OR52N4: variants seen among roughly 807,000 people sequenced by gnomAD.
OR52N4 encodes olfactory receptor 52N4.
A neutral mutation model predicts 15.0 loss-of-function variants in OR52N4; 15 were observed. The ratio of observed to expected loss-of-function variants is 1.00; its 90% confidence interval spans 0.67 to 1.54. The LOEUF is 1.54. Among genes scored for constraint, OR52N4 ranks in the 40% most tolerant of loss-of-function variants. The probability of loss-of-function intolerance (pLI) is 0.00; values close to 1 mark genes in which losing one functional copy is unlikely to be tolerated. For missense variants in OR52N4, 421 were observed against 394.0 expected (o/e 1.07, Z -0.58); for synonymous variants, 143 against 143.7 (o/e 1.00, Z 0.03).
At chr11:5,737,490 A>C in the OR52N4 span, 1 of 1,605,620 alleles carries the variant, frequency 6.2e-7, no homozygotes, top group African/African-American at 1.3e-5. Context: ...ATAAGATCTT[A>C]GAGACCTTCT....
Position 5,755,773 on chromosome 11 carries a change from T to A in OR52N4, c.*67T>A. On this transcript the variant is annotated 3_prime_UTR_variant, in exon 2 of 2. Transcript: ENST00000641350. ...TTCTATTTGCCTCTTATGCAGGAGTTCATAAAATCTTTCTGGAAGCACTGT... is the reference window on the plus strand; with the variant it reads ...TTCTATTTGCCTCTTATGCAGGAGTACATAAAATCTTTCTGGAAGCACTGT... 1 of 1,537,016 alleles carries A rather than the reference T, an allele frequency of 6.5e-7. No homozygotes were observed. Among genetic ancestry groups the A allele is most frequent in the Admixed American group, 2.0e-5 (1 of 50,230 alleles).
chr11:5,729,352 C>T, the OR52N4 span, among the ~76,000 whole-genome samples: 1 of 151,920 alleles, frequency 6.6e-6, no homozygotes, highest in East Asian at 1.9e-4. Context: ...GATCTCCTGA[C>T]CTTGTGATCC....
the OR52N4 span, among the ~76,000 whole-genome samples, chr11:5,743,531 C>G: frequency 6.6e-6 from 1 of 152,134 alleles, no homozygotes; most frequent in Non-Finnish European, 1.5e-5. Flanking sequence ...TAATATCAAG[C>G]ATATTCTTAC....
chr11:5,754,059 T>TCC (rs1854245224), upstream of OR52N4, among the ~76,000 whole-genome samples: 1 of 150,544 alleles, frequency 6.6e-6, no homozygotes, highest in Non-Finnish European at 1.5e-5. Context: ...CAAACATTTA[T>TCC]CCTTTGTGTT....
chr11:5,735,754 T>C, the OR52N4 span, among the ~76,000 whole-genome samples: 12 of 152,290 alleles, frequency 7.9e-5, 1 homozygote, highest in African/African-American at 2.9e-4. Context: ...GAGCATTGAA[T>C]GGCAATTCCT....
chr11:5,755,220 C>A lies in OR52N4; in HGVS notation c.480C>A (p.Pro160=), dbSNP rs761123126. ...TFLRGVLLII[P]FTFLTKLLPY... Reference sequence around the variant, plus strand: ...TGAGAGGGGTATTACTCATTATTCCCTTTACTTTCCTCACCAAGCTCCTGC... The same window carrying A: ...TGAGAGGGGTATTACTCATTATTCCATTTACTTTCCTCACCAAGCTCCTGC... The change falls in exon 2 of 2, where the codon CCC becomes CCA. Residue 160 remains proline (P), a synonymous_variant. Transcript: ENST00000641350. 6.2e-7 allele frequency: 1 copy of A among 1,614,008 alleles called. No homozygotes were observed. Among genetic ancestry groups the A allele is most frequent in the Non-Finnish European group, 8.5e-7 (1 of 1,179,964 alleles).
chr11:5,749,168 T>G, the OR52N4 span, among the ~76,000 whole-genome samples: 2 of 151,932 alleles, frequency 1.3e-5, no homozygotes, highest in Admixed American at 1.3e-4. Context: ...TGTTAACACC[T>G]GGAGTAGATT....
chr11:5,753,452 C>A (rs1854229189), upstream of OR52N4, among the ~76,000 whole-genome samples: 1 of 151,958 alleles, frequency 6.6e-6, no homozygotes, highest in African/African-American at 2.4e-5. Flanking sequence ...GTGTATGTTT[C>A]TTCCTGCAAC....
At chr11:5,727,952 G>C in the OR52N4 span, among the ~76,000 whole-genome samples, 1 of 152,178 alleles carries the variant, frequency 6.6e-6, no homozygotes, top group South Asian at 2.1e-4. Flanking sequence ...CTCCATTAGA[G>C]CTTCAAACCA....
upstream of OR52N4, among the ~76,000 whole-genome samples, chr11:5,753,497 A>G (rs1854229939): frequency 1.3e-5 from 2 of 152,106 alleles, no homozygotes; most frequent in African/African-American, 4.8e-5. Context: ...TACTTTATAT[A>G]TTTTCTGTAT....
chr11:5,735,664 C>G, the OR52N4 span, among the ~76,000 whole-genome samples: 14 of 152,018 alleles, frequency 9.2e-5, no homozygotes, highest in Admixed American at 1.3e-4. Context: ...TCTGGTCGAG[C>G]CACCATGCAG....
the OR52N4 span, among the ~76,000 whole-genome samples, chr11:5,728,005 G>T: frequency 6.6e-6 from 1 of 152,218 alleles, no homozygotes; most frequent in East Asian, 1.9e-4. Context: ...GTTACTTAGT[G>T]GCAGAACAAA....
chr11:5,752,885 A>G (rs1277087575), upstream of OR52N4, among the ~76,000 whole-genome samples: 2 of 152,180 alleles, frequency 1.3e-5, no homozygotes, highest in East Asian at 1.9e-4. Flanking sequence ...ATTTCATTTA[A>G]AGATCACAAG....
chr11:5,752,424 T>G (rs1475619850), upstream of OR52N4, among the ~76,000 whole-genome samples: 2 of 152,180 alleles, frequency 1.3e-5, no homozygotes, highest in Non-Finnish European at 2.9e-5. Flanking sequence ...AAACAGTGTA[T>G]TTTATTAATG....
At chr11:5,754,656 A>C in intron 1 of OR52N4, 37 bp from the exon 2 acceptor site, 1 of 1,397,476 alleles carries the variant, frequency 7.2e-7, no homozygotes, top group East Asian at 2.3e-5. Flanking sequence ...CAGTAAAAAT[A>C]ACCTATATTT....
At chr11:5,736,468 G>C in the OR52N4 span, 1 of 1,558,856 alleles carries the variant, frequency 6.4e-7, no homozygotes, top group East Asian at 2.3e-5. Context: ...GTTCCAACCT[G>C]TGATAACTGA....
chr11:5,754,671 T>G (rs1000433196), intron 1 of OR52N4, 22 bp from the exon 2 acceptor site: 16 of 1,379,344 alleles, frequency 1.2e-5, no homozygotes, highest in African/African-American at 5.9e-5. Context: ...ATATTTTCTC[T>G]TGTTTTTTTT....
At chr11:5,738,964 A>G in the OR52N4 span, among the ~76,000 whole-genome samples, 23 of 128,814 alleles carry the variant, frequency 1.8e-4, 6 homozygotes, top group Non-Finnish European at 1.0e-4. Context: ...AGTCTGTTAT[A>G]CATTATATAA....
chr11:5,728,386 A>G, the OR52N4 span, among the ~76,000 whole-genome samples: 20 of 152,322 alleles, frequency 1.3e-4, no homozygotes, highest in Admixed American at 2.6e-4. Context: ...TAGTAACTCC[A>G]TGTGGTGATG....
Sources: gnomAD v4.1 joint callset for allele counts (sites outside exome capture counted in the v4.1 genomes callset) on GRCh38, gnomAD v4.1.1 for gene constraint, MANE v1.5 for transcripts, NCBI Gene and HGNC (gene_info 2026-07-23, HGNC 2026-07-21) for gene names.